The following KANSL1 variants were observed in gnomAD, a reference collection of about 807,000 sequenced individuals.
KANSL1 encodes MLL1/MLL complex subunit KANSL1.
A neutral mutation model predicts 103.6 loss-of-function variants in KANSL1; 22 were observed. The observed-to-expected ratio is 0.21, with a 90% confidence interval of 0.15 to 0.30. The LOEUF (loss-of-function observed/expected upper bound fraction) is 0.30. Ranked by LOEUF, KANSL1 falls within the 10% of genes least tolerant of loss-of-function variation. The pLI, the probability that KANSL1 is intolerant of heterozygous loss-of-function variation, is 1.00. For missense variants in KANSL1, 1,337 were observed against 1,399.8 expected (o/e 0.96, Z 0.72); for synonymous variants, 600 against 527.6 (o/e 1.14, Z -1.88).
At chr17:46,057,993 T>C (rs1107820) in intron 6 of KANSL1, among the ~76,000 whole-genome samples, 21,783 of 152,196 alleles carry the variant, frequency 0.14, 2,126 homozygotes, top group Non-Finnish European at 0.22. Context: ...TGGTTTTCCG[T>C]CTGGAAGTAC....
At chr17:46,184,847 T>G (rs892099116) in intron 1 of KANSL1, among the ~76,000 whole-genome samples, 9 of 151,160 alleles carry the variant, frequency 6.0e-5, no homozygotes, top group African/African-American at 2.2e-4. Context: ...CTTTTTTTTT[T>G]TTTTTTTTTT....
intron 1 of KANSL1, among the ~76,000 whole-genome samples, chr17:46,200,038 T>TAC (rs143234563): frequency 0.48 from 70,549 of 147,374 alleles, 17,117 homozygotes; most frequent in South Asian, 0.7. Flanking sequence ...TCAATGAGTT[T>TAC]ACACACACAC....
chr17:46,073,307 A>T (rs1430429270), intron 4 of KANSL1, among the ~76,000 whole-genome samples: 4 of 152,242 alleles, frequency 2.6e-5, no homozygotes, highest in Admixed American at 2.6e-4. Context: ...ATGAGCAAGG[A>T]AAGGGTAAAG....
intron 2 of KANSL1, among the ~76,000 whole-genome samples, chr17:46,158,936 T>C (rs1040050982): frequency 6.6e-5 from 10 of 152,244 alleles, no homozygotes; most frequent in African/African-American, 2.2e-4. Context: ...AGTCTCTCAC[T>C]ACAACACCCA....
chr17:46,183,550 A>C lies in KANSL1; in HGVS notation c.-90+9273T>G, dbSNP rs187802971. On this transcript the variant is annotated intron_variant, in intron 1 of 14. Coordinates refer to ENST00000432791, the MANE Select transcript of KANSL1 (RefSeq NM_015443.4). ...GCAAGATTCTGTCTCAAAAGAAGGAAAAGAGGAGAGGGGAGGAGAGAGGAG... is the reference window on the plus strand; with the variant it reads ...GCAAGATTCTGTCTCAAAAGAAGGACAAGAGGAGAGGGGAGGAGAGAGGAG... Among the ~76,000 whole-genome samples the C allele has an allele frequency of 1.8e-3, 270 of 151,792 alleles. 1 individual carries two copies. The highest frequency in any genetic ancestry group is 5.5e-3 in the African/African-American group (228 of 41,330).
At chr17:46,092,114 C>T (rs1346852401) in intron 3 of KANSL1, among the ~76,000 whole-genome samples, 1 of 152,194 alleles carries the variant, frequency 6.6e-6, no homozygotes, top group Non-Finnish European at 1.5e-5. Flanking sequence ...AGATTACAGG[C>T]GTGAGCCACT....
chr17:46,138,866 G>T (rs2044281857), intron 2 of KANSL1, among the ~76,000 whole-genome samples: 1 of 152,228 alleles, frequency 6.6e-6, no homozygotes, highest in South Asian at 2.1e-4. Context: ...GAGAAGTCAT[G>T]AAGTAACATA....
intron 4 of KANSL1, 44 bp from the exon 5 acceptor site, chr17:46,067,711 G>A (rs374172635): frequency 2.2e-5 from 22 of 999,112 alleles, no homozygotes; most frequent in African/African-American, 1.3e-4. Context: ...GTACCCAAGC[G>A]CACCCCTGCC....
chr17:46,125,035 G>GGA (rs2043462423), intron 2 of KANSL1, among the ~76,000 whole-genome samples: 1 of 58,190 alleles, frequency 1.7e-5, no homozygotes, highest in Non-Finnish European at 3.7e-5. Flanking sequence ...AGGGGAGGTA[G>GGA]GGAGGGAGGG....
chr17:46,092,674 T>G (rs116029587), intron 3 of KANSL1, among the ~76,000 whole-genome samples: 1 of 134,796 alleles, frequency 7.4e-6, no homozygotes, highest in African/African-American at 2.8e-5. Flanking sequence ...ATAATGTTGG[T>G]AGCGAGATAA....
chr17:46,189,057 A>AAAAAAAAAAG (rs2047176308), intron 1 of KANSL1, among the ~76,000 whole-genome samples: 1 of 135,120 alleles, frequency 7.4e-6, no homozygotes, highest in South Asian at 2.2e-4. Context: ...AAAAAAAAAA[A>AAAAAAAAAAG]AAAAAAAAAG....
chr17:46,178,638 TTCTC>T (rs1043915621), intron 1 of KANSL1, among the ~76,000 whole-genome samples: 27 of 152,352 alleles, frequency 1.8e-4, no homozygotes, highest in African/African-American at 6.5e-4. Context: ...AATCAATAGT[TTCTC>T]TCTCAGTTTC....
At chr17:46,225,117 C>A (rs1278843655), upstream of KANSL1, among the ~76,000 whole-genome samples, 1 of 151,894 alleles carries the variant, frequency 6.6e-6, no homozygotes, top group African/African-American at 2.4e-5. Context: ...CGGGGGTCCC[C>A]GTGCCCCACA....
chr17:46,162,254 G>A (rs776365865), intron 2 of KANSL1, among the ~76,000 whole-genome samples: 1 of 152,194 alleles, frequency 6.6e-6, no homozygotes, highest in South Asian at 2.1e-4. Flanking sequence ...TTTCTACCCA[G>A]CTTGCAAAAT....
chr17:46,110,667 C>T (rs1396786466), intron 2 of KANSL1, among the ~76,000 whole-genome samples: 3 of 152,072 alleles, frequency 2.0e-5, no homozygotes, highest in African/African-American at 7.2e-5. Flanking sequence ...TGAAAAGATG[C>T]TGAAACAAAT....
intron 2 of KANSL1, chr17:46,153,108 T>C (rs1010793318): frequency 1.3e-5 from 2 of 152,258 alleles, no homozygotes; most frequent in Non-Finnish European, 2.9e-5. Flanking sequence ...GACTTCCTGG[T>C]CATATCACAA....
chr17:46,202,986 C>CT (rs1300518024), intron 1 of KANSL1, among the ~76,000 whole-genome samples: 20 of 152,324 alleles, frequency 1.3e-4, no homozygotes, highest in African/African-American at 4.8e-4. Context: ...AATACTAGCA[C>CT]TTTGGGAGGC....
intron 2 of KANSL1, among the ~76,000 whole-genome samples, chr17:46,157,052 G>A (rs1430496354): frequency 6.6e-6 from 1 of 152,196 alleles, no homozygotes; most frequent in Non-Finnish European, 1.5e-5. Flanking sequence ...GGTGATAAAT[G>A]ATCCTGAAAG....
intron 1 of KANSL1, among the ~76,000 whole-genome samples, chr17:46,179,498 G>C (rs1208244501): frequency 2.6e-5 from 4 of 152,210 alleles, no homozygotes; most frequent in Non-Finnish European, 5.9e-5. Flanking sequence ...ATCAGATGGG[G>C]AAGAAAAGTT....
Sources: allele counts gnomAD v4.1 joint callset (sites outside exome capture counted in the v4.1 genomes callset), GRCh38; gene constraint gnomAD v4.1.1; transcripts MANE v1.5; gene names NCBI Gene and HGNC (gene_info 2026-07-23, HGNC 2026-07-21).